PRKCA: variants seen among roughly 807,000 people sequenced by gnomAD.
PRKCA encodes protein kinase C alpha type.
Under a neutral mutation model 87.0 loss-of-function variants are expected in PRKCA, and 27 were observed. The observed-to-expected ratio is 0.31, with a 90% CI of 0.23 to 0.43. PRKCA has a LOEUF of 0.43. PRKCA is among the 20% of genes least tolerant of loss of function. The pLI, the probability that PRKCA is intolerant of heterozygous loss-of-function variation, is 1.00. For missense variants in PRKCA, 518 were observed against 852.3 expected (o/e 0.61, Z 4.88); for synonymous variants, 329 against 311.1 (o/e 1.06, Z -0.61).
At chr17:66,441,614 G>A (rs552110308) in intron 2 of PRKCA, among the ~76,000 whole-genome samples, 29 of 152,268 alleles carry the variant, frequency 1.9e-4, no homozygotes, top group Non-Finnish European at 2.9e-4. Context: ...CACTGGGGAC[G>A]TCTGTGCACC....
At chr17:66,646,217 G>T (rs9913123) in intron 5 of PRKCA, among the ~76,000 whole-genome samples, 1 of 151,992 alleles carries the variant, frequency 6.6e-6, no homozygotes, top group African/African-American at 2.4e-5. Flanking sequence ...TCCCTATCCA[G>T]GGGCCTGGTT....
chr17:66,804,358 T>C lies in PRKCA; in HGVS notation c.*321T>C, dbSNP rs933292449. 7.6e-5 allele frequency: 16 copies of C among 209,732 alleles called. No individual in the cohort carries two copies. Among genetic ancestry groups the C allele is most frequent in the African/African-American group, 3.7e-4 (16 of 43,454 alleles). The allele number at this position is 209,732 out of a possible 1,614,324, so 13.0% of individuals were successfully genotyped here. Reference sequence around the variant, plus strand: ...ATTTTGGGTACAATTTGATATACTTTCCATACCCTCCATCTGTGGATTTTT... The same window carrying C: ...ATTTTGGGTACAATTTGATATACTTCCCATACCCTCCATCTGTGGATTTTT... On this transcript the variant is annotated 3_prime_UTR_variant, in exon 17 of 17. Coordinates refer to ENST00000413366, the MANE Select transcript of PRKCA (RefSeq NM_002737.3).
At chr17:66,662,806 G>A (rs901529641) in intron 5 of PRKCA, among the ~76,000 whole-genome samples, 1 of 152,076 alleles carries the variant, frequency 6.6e-6, no homozygotes, top group Admixed American at 6.5e-5. Flanking sequence ...AGGCTGGAAA[G>A]AATAAAGTTT....
chr17:66,437,532 A>G (rs1274597585), intron 2 of PRKCA, among the ~76,000 whole-genome samples: 1 of 152,064 alleles, frequency 6.6e-6, no homozygotes, highest in Non-Finnish European at 1.5e-5. Context: ...ACAGTTTACA[A>G]AGAATTTGCT....
At chr17:66,580,934 C>T (rs879477638) in intron 3 of PRKCA, among the ~76,000 whole-genome samples, 80 of 152,022 alleles carry the variant, frequency 5.3e-4, no homozygotes, top group Middle Eastern at 3.4e-3. Context: ...TTGTTGCCCC[C>T]CCCCATGCTC....
chr17:66,744,096 C>T (rs1032936314), intron 13 of PRKCA, among the ~76,000 whole-genome samples: 3 of 151,950 alleles, frequency 2.0e-5, no homozygotes, highest in African/African-American at 7.3e-5. Flanking sequence ...TTGTGAAGAC[C>T]TTGTAGTTTT....
intron 5 of PRKCA, among the ~76,000 whole-genome samples, chr17:66,666,668 G>A (rs1972050684): frequency 6.6e-6 from 1 of 152,050 alleles, no homozygotes; most frequent in East Asian, 1.9e-4. Context: ...TTATATAAAG[G>A]GCTATATAAG....
intron 2 of PRKCA, among the ~76,000 whole-genome samples, chr17:66,452,450 G>C (rs1373964359): frequency 6.6e-6 from 1 of 152,214 alleles, no homozygotes; most frequent in Non-Finnish European, 1.5e-5. Context: ...GAGAAGTGCA[G>C]CTGTGTATAG....
At chr17:66,520,311 A>G (rs8068989) in intron 3 of PRKCA, among the ~76,000 whole-genome samples, 92,100 of 151,634 alleles carry the variant, frequency 0.61, 29,301 homozygotes, top group African/African-American at 0.8. Context: ...AGTAGAGATG[A>G]GGTTTCGCCA....
At chr17:66,610,030 G>T (rs1193173478) in intron 3 of PRKCA, among the ~76,000 whole-genome samples, 1 of 151,944 alleles carries the variant, frequency 6.6e-6, no homozygotes, top group African/African-American at 2.4e-5. Context: ...ACAAGATAAG[G>T]GTTCAGTCCC....
chr17:66,721,209 A>AGAAAC (rs1973606074), intron 8 of PRKCA, among the ~76,000 whole-genome samples: 1 of 152,102 alleles, frequency 6.6e-6, no homozygotes, highest in Non-Finnish European at 1.5e-5. Context: ...ATCCTGGCTA[A>AGAAAC]CATGGTGAAA....
chr17:66,399,473 C>T (rs1384138767), intron 2 of PRKCA, among the ~76,000 whole-genome samples: 1 of 152,106 alleles, frequency 6.6e-6, no homozygotes, highest in Non-Finnish European at 1.5e-5. Context: ...TAAAAGACGC[C>T]TAACATAAAA....
chr17:66,653,235 C>T (rs1971639090), intron 5 of PRKCA, among the ~76,000 whole-genome samples: 1 of 152,172 alleles, frequency 6.6e-6, no homozygotes, highest in Non-Finnish European at 1.5e-5. Flanking sequence ...TTCCAAATAG[C>T]TCAGGCAGAA....
chr17:66,701,152 G>A (rs1242671984), intron 8 of PRKCA, among the ~76,000 whole-genome samples: 1 of 152,026 alleles, frequency 6.6e-6, no homozygotes, highest in Admixed American at 6.6e-5. Context: ...ACACATACGT[G>A]GTCAACTATC....
Position 66,452,213 on chromosome 17 carries a change from C to T in PRKCA, c.206-43988C>T, listed in dbSNP as rs551551412. Among the ~76,000 whole-genome samples the T allele has an allele frequency of 7.9e-5, 12 of 152,312 alleles. No homozygotes were observed. In the South Asian group the frequency reaches 2.5e-3, roughly 32 times the overall value. ...GAACTGTCTGCACCTCTGTTCCTTT[C>T]TTTTTATTTGGGTGCCTATGATGAC... On this transcript the variant is annotated intron_variant, in intron 2 of 16. Coordinates refer to ENST00000413366, the MANE Select transcript of PRKCA (RefSeq NM_002737.3).
intron 2 of PRKCA, among the ~76,000 whole-genome samples, chr17:66,410,667 C>G (rs1911736470): frequency 6.6e-6 from 1 of 152,100 alleles, no homozygotes; most frequent in South Asian, 2.1e-4. Context: ...CCTCCACCTC[C>G]CAGGTTCAAG....
At chr17:66,306,552 G>A (rs1229680484) in intron 2 of PRKCA, among the ~76,000 whole-genome samples, 1 of 151,946 alleles carries the variant, frequency 6.6e-6, no homozygotes. Context: ...TTCTAGTAAG[G>A]GTTTGTTTTG....
intron 3 of PRKCA, among the ~76,000 whole-genome samples, chr17:66,550,331 C>T (rs1968286628): frequency 6.6e-6 from 1 of 152,136 alleles, no homozygotes; most frequent in South Asian, 2.1e-4. Context: ...TGTCTCTTGA[C>T]AATTGAAAGT....
Position 66,613,739 on chromosome 17 carries a change from A to G in PRKCA, c.289-27616A>G, listed in dbSNP as rs144211880. 7.7e-3 allele frequency among the ~76,000 whole-genome samples: 988 copies of G among 128,758 alleles called. 14 individuals are homozygous for G. The highest frequency in any genetic ancestry group is 0.025 in the African/African-American group (843 of 34,146). 84.5% of individuals were successfully genotyped at this position (128,758 alleles called of 152,430 possible). On this transcript the variant is annotated intron_variant, in intron 3 of 16. Coordinates refer to ENST00000413366, the MANE Select transcript of PRKCA (RefSeq NM_002737.3). ...TTTCCTTCTTGTAAGGACACCAGTC[A>G]TTGGATTTAGGGCCCACCTTAATCC...
Sources: gnomAD v4.1 joint callset for allele counts (sites outside exome capture counted in the v4.1 genomes callset) on GRCh38, gnomAD v4.1.1 for gene constraint, MANE v1.5 for transcripts, NCBI Gene and HGNC (gene_info 2026-07-23, HGNC 2026-07-21) for gene names.